The following EMILIN2 variants were observed in gnomAD, a reference collection of about 807,000 sequenced individuals.
EMILIN2 encodes the protein elastin microfibril interfacer 2, also known as EMILIN-2.
A neutral mutation model predicts 87.1 loss-of-function variants in EMILIN2; 71 were observed. That is an observed-to-expected ratio of 0.82 (90% CI 0.67 to 0.99). EMILIN2 has a LOEUF of 0.99. Among genes scored for constraint, EMILIN2 ranks in the 50% least tolerant of loss-of-function variants. The pLI is 0.00. For missense variants in EMILIN2, 1,407 were observed against 1,371.8 expected, an observed-to-expected ratio of 1.03 and a Z score of -0.40; for synonymous variants, 581 against 563.4, an observed-to-expected ratio of 1.03 and a Z score of -0.44.
intron 2 of EMILIN2, among the ~76,000 whole-genome samples, chr18:2,858,825 G>A (rs2076645965): frequency 6.6e-6 from 1 of 150,680 alleles, no homozygotes; most frequent in Non-Finnish European, 1.5e-5. Context: ...TAGTTGAGAC[G>A]GGGTTTCACC....
Position 2,913,229 on chromosome 18 carries a change from C to T in EMILIN2, c.2987C>T (p.Pro996Leu), listed in dbSNP as rs1568489325. 1 of 1,614,122 alleles carries T rather than the reference C, an allele frequency of 6.2e-7. No homozygotes were observed. Residue 996 changes from proline to leucine, a missense_variant, in exon 8 of 8, where the codon CCA becomes CTA. By Grantham distance (98) the Pro-to-Leu change is moderately conservative. Transcript: ENST00000254528. ...GAGTTCCTGGAATACCACCGCCCTC[C>T]AGGAGCTTTGCATACCTGCGGGGGC... Reference protein sequence around the residue: ...RREFLEYHRPPGALHTCGGPG... With the variant: ...RREFLEYHRPLGALHTCGGPG...
chr18:2,871,297 G>C (rs57328510), intron 2 of EMILIN2, among the ~76,000 whole-genome samples: 3,366 of 152,134 alleles, frequency 0.022, 125 homozygotes, highest in African/African-American at 0.076. Flanking sequence ...GCCTGGCCTC[G>C]AACTCCTGGG....
intron 2 of EMILIN2, among the ~76,000 whole-genome samples, chr18:2,864,912 G>A (rs1193913404): frequency 5.3e-4 from 78 of 147,302 alleles, no homozygotes; most frequent in African/African-American, 1.6e-3. Context: ...GGCTTTGTTC[G>A]TTTCTTTTTA....
At chr18:2,850,747 A>C (rs1306491870) in intron 2 of EMILIN2, among the ~76,000 whole-genome samples, 1 of 152,132 alleles carries the variant, frequency 6.6e-6, no homozygotes, top group Non-Finnish European at 1.5e-5. Context: ...TCTGCAGTTG[A>C]GAGTGACGGA....
chr18:2,901,964 A>G (rs2076889889), intron 4 of EMILIN2, among the ~76,000 whole-genome samples: 1 of 152,174 alleles, frequency 6.6e-6, no homozygotes, highest in Non-Finnish European at 1.5e-5. Context: ...GCACTCATGC[A>G]CGGACTCCCC....
chr18:2,847,710 C>T lies in EMILIN2; in HGVS notation c.135-99C>T. ...CTCCGCAGAGGGCGACGGGCCCCCC[C>T]GACCCTCGCTCGGTCTGGTGCCGCA... On this transcript the variant is annotated intron_variant, in intron 1 of 7. Transcript: ENST00000254528. The surrounding 1 kb of genome is among the most constrained non-coding windows in gnomAD (Gnocchi z 4.5). 1 of 1,492,716 alleles carries T rather than the reference C, an allele frequency of 6.7e-7. No homozygotes were observed. The highest frequency in any genetic ancestry group is 8.9e-7 in the Non-Finnish European group (1 of 1,125,890). The allele number at this position is 1,492,716 out of a possible 1,614,324, so 92.5% of individuals were successfully genotyped here. A position where few individuals can be genotyped will look rare whatever the true frequency, so the allele number is the denominator to read the frequency against.
chr18:2,864,100 G>A (rs1203999940), intron 2 of EMILIN2, among the ~76,000 whole-genome samples: 1 of 151,930 alleles, frequency 6.6e-6, no homozygotes, highest in Non-Finnish European at 1.5e-5. Flanking sequence ...CCTTTATTTT[G>A]AGTCTATGTG....
chr18:2,881,603 G>C (rs2076777095), intron 2 of EMILIN2, among the ~76,000 whole-genome samples: 1 of 152,208 alleles, frequency 6.6e-6, no homozygotes, highest in Non-Finnish European at 1.5e-5. Context: ...CCTCTTCAAT[G>C]GGCACAGGAG....
Position 2,913,445 on chromosome 18 carries a change from A to G in EMILIN2, c.*41A>G. On this transcript the variant is annotated 3_prime_UTR_variant, in exon 8 of 8. Transcript: ENST00000254528. Reference sequence around the variant, plus strand: ...GTCAGGGGAAAGATAGATAGTTGTAAAAACTCTAAAGCTTTAATATATTCG... The same window carrying G: ...GTCAGGGGAAAGATAGATAGTTGTAGAAACTCTAAAGCTTTAATATATTCG... 6.8e-7 allele frequency: 1 copy of G among 1,465,754 alleles called. No homozygotes were observed. The highest frequency in any genetic ancestry group is 9.2e-7 in the Non-Finnish European group (1 of 1,082,496). The allele number at this position is 1,465,754 out of a possible 1,614,324, so 90.8% of individuals were successfully genotyped here.
Position 2,906,799 on chromosome 18 carries a change from G to A in EMILIN2, c.2376G>A (p.Pro792=), listed in dbSNP as rs1443767347. ...FQPSAKAPSP[P]PPAEAPKEPL... ...GCCCGGCAGAGGCGCCCTCGCCCCC[G>A]CCGCCCGCAGAGGCCCCGAAGGAGC... The change falls in exon 5 of 8, where the codon CCG becomes CCA. Residue 792 remains proline, a synonymous_variant. Coordinates refer to ENST00000254528, the MANE Select transcript of EMILIN2 (RefSeq NM_032048.3). 7.0e-6 allele frequency: 9 copies of A among 1,290,190 alleles called. No individual in the cohort carries two copies. Among genetic ancestry groups the A allele is most frequent in the South Asian group, 2.5e-5 (1 of 39,538 alleles). 79.9% of individuals were successfully genotyped at this position (1,290,190 alleles called of 1,614,324 possible). A position where few individuals can be genotyped will look rare whatever the true frequency, so the allele number is the denominator to read the frequency against.
Position 2,906,803 on chromosome 18 carries a change from C to G in EMILIN2, c.2380C>G (p.Pro794Ala). The change falls in exon 5 of 8, where the codon CCC (proline) becomes GCC (alanine). Residue 794 changes from proline (P) to alanine (A), a missense_variant. Transcript: ENST00000254528. ...GGCAGAGGCGCCCTCGCCCCCGCCGCCCGCAGAGGCCCCGAAGGAGCCGCT... is the reference window on the plus strand; with the variant it reads ...GGCAGAGGCGCCCTCGCCCCCGCCGGCCGCAGAGGCCCCGAAGGAGCCGCT... ...PSAKAPSPPP[P>A]AEAPKEPLQP... is the part of the protein sequence containing the mutation. 7.7e-7 allele frequency: 1 copy of G among 1,295,906 alleles called. No homozygotes were observed. Among genetic ancestry groups the G allele is most frequent in the East Asian group, 3.1e-5 (1 of 31,920 alleles). 80.3% of individuals were successfully genotyped at this position (1,295,906 alleles called of 1,614,324 possible). A position where few individuals can be genotyped will look rare whatever the true frequency, so the allele number is the denominator to read the frequency against.
At chr18:2,846,540 C>T (rs2076574278), upstream of EMILIN2, among the ~76,000 whole-genome samples, 1 of 152,228 alleles carries the variant, frequency 6.6e-6, no homozygotes, top group Admixed American at 6.5e-5. The surrounding 1 kb of genome is among the most constrained non-coding windows in gnomAD (Gnocchi z 5.3). Context: ...CTCCTGGACT[C>T]TCTAGGTCCA....
At chr18:2,869,968 A>G (rs1040675750) in intron 2 of EMILIN2, among the ~76,000 whole-genome samples, 2 of 152,194 alleles carry the variant, frequency 1.3e-5, no homozygotes, top group Non-Finnish European at 2.9e-5. Context: ...TGGACTAGGC[A>G]TGGTGGCTCA....
At position 2,848,058 on chromosome 18, in the gene EMILIN2, G is replaced by T. The variant is rs1405772128; in HGVS notation, c.257+127G>T. On this transcript the variant is annotated intron_variant, in intron 2 of 7. Coordinates refer to ENST00000254528, the MANE Select transcript of EMILIN2 (RefSeq NM_032048.3). The surrounding 1 kb of genome is among the most constrained non-coding windows in gnomAD (Gnocchi z 4.1). ...TTCCAGATCCGGTGAAAAGCCCGCA[G>T]CGGAAAAGCGCTCCGAGCGCTCGCG... The T allele has an allele frequency of 3.2e-6, 4 of 1,248,096 alleles. No homozygotes were observed. The African/African-American group carries it at 6.2e-5, about 19-fold the overall frequency. 77.3% of individuals were successfully genotyped at this position (1,248,096 alleles called of 1,614,324 possible).
chr18:2,853,335 G>A (rs62074985), intron 2 of EMILIN2, among the ~76,000 whole-genome samples: 35,041 of 152,014 alleles, frequency 0.23, 4,228 homozygotes, highest in Non-Finnish European at 0.27. Flanking sequence ...CATTCCCAGC[G>A]ATCGCCCGTC....
chr18:2,910,223 C>T (rs866219893), intron 7 of EMILIN2, among the ~76,000 whole-genome samples: 3 of 152,314 alleles, frequency 2.0e-5, no homozygotes, highest in Middle Eastern at 3.4e-3. Flanking sequence ...TGGGCCAGGA[C>T]AAGCGGGAGG....
At chr18:2,860,461 C>T (rs1250255555) in intron 2 of EMILIN2, among the ~76,000 whole-genome samples, 1 of 152,130 alleles carries the variant, frequency 6.6e-6, no homozygotes, top group Non-Finnish European at 1.5e-5. Flanking sequence ...TTGTTCAATT[C>T]CCACCTGTGA....
Position 2,904,670 on chromosome 18 carries a change from G to A in EMILIN2, c.2360-2113G>A, listed in dbSNP as rs536381372. Among the ~76,000 whole-genome samples, 99 of 152,264 alleles carry A rather than the reference G, an allele frequency of 6.5e-4. 1 individual carries two copies. Among genetic ancestry groups the A allele is most frequent in the Non-Finnish European group, 1.1e-3 (72 of 68,018 alleles). ...AGTATCTTCTACTTCTCTGAGGGTA[G>A]GATGTGTTTATTTTCTTGCACTGTG... On this transcript the variant is annotated intron_variant, in intron 4 of 7. Coordinates refer to ENST00000254528, the MANE Select transcript of EMILIN2 (RefSeq NM_032048.3).
At chr18:2,882,369 A>G (rs1398926729) in intron 2 of EMILIN2, among the ~76,000 whole-genome samples, 1 of 151,708 alleles carries the variant, frequency 6.6e-6, no homozygotes. Context: ...TTAAATCAAA[A>G]CCTCTGAGGG....
Sources: gnomAD v4.1 joint callset for allele counts (sites outside exome capture counted in the v4.1 genomes callset) on GRCh38, gnomAD v4.1.1 for gene constraint, Gnocchi (gnomAD v3.1) non-coding constraint, MANE v1.5 for transcripts, NCBI Gene and HGNC (gene_info 2026-07-23, HGNC 2026-07-21) for gene names.